The following KAT6A variants were observed in gnomAD, a reference collection of about 807,000 sequenced individuals.
KAT6A encodes histone acetyltransferase KAT6A.
Under a neutral mutation model 198.4 loss-of-function variants are expected in KAT6A, and 9 were observed. That is an observed-to-expected ratio of 0.05 (90% CI 0.03 to 0.08). KAT6A has a LOEUF of 0.08. KAT6A is among the 10% of genes least tolerant of loss of function. The probability of loss-of-function intolerance (pLI) is 1.00; values close to 1 mark genes in which losing one functional copy is unlikely to be tolerated. For missense variants in KAT6A, 2,077 were observed against 2,509.9 expected (o/e 0.83, Z 3.69); for synonymous variants, 890 against 883.0 (o/e 1.01, Z -0.14).
rs1382204077 is a variant in KAT6A at position 41,977,215 on chromosome 8, G to A, written c.1156C>T (p.Arg386Trp). The A allele has an allele frequency of 7.4e-6, 12 of 1,613,982 alleles. No homozygotes were observed. The highest frequency in any genetic ancestry group is 4.5e-5 in the East Asian group (2 of 44,890). Reference protein sequence around the residue: ...SSSSEEGYLERIDGLDFCRDS... With the variant: ...SSSSEEGYLEWIDGLDFCRDS... ...CTGCAGAAGTCCAAGCCATCTATCC[G>A]CTCTAAATATCCTTCTTCTGATGAT... is the stretch of plus-strand genomic sequence containing the variant. The change falls in exon 7 of 17, where the codon CGG (arginine) becomes TGG (tryptophan). Residue 386 changes from arginine to tryptophan, a missense_variant. Around this residue, in one of 13 missense-constraint regions of KAT6A, gnomAD observed 206 missense variants for 214.9 expected, o/e 0.96. Transcript: ENST00000265713.
intron 9 of KAT6A, among the ~76,000 whole-genome samples, chr8:41,954,247 C>T (rs1236902148): frequency 6.6e-6 from 1 of 152,138 alleles, no homozygotes; most frequent in African/African-American, 2.4e-5. Context: ...TACTGGATGG[C>T]CCTTTTAACA....
chr8:41,948,672 C>T (rs1587729688), intron 10 of KAT6A, among the ~76,000 whole-genome samples: 2 of 152,278 alleles, frequency 1.3e-5, no homozygotes, highest in East Asian at 3.9e-4. Context: ...ACCACACCTA[C>T]CCCAGCTTCT....
At position 41,940,951 on chromosome 8, in the gene KAT6A, T is replaced by C; in HGVS notation, c.2930A>G (p.Asp977Gly). 6.2e-7 allele frequency: 1 copy of C among 1,614,212 alleles called. No individual in the cohort carries two copies. ...ERLPRRYSEG[D>G]RAVLRGFSES... ...ACTGAAGCCCCTGAGGACAGCCCTG[T>C]CACCCTCACTGTAGCGACGGGGCAG... Residue 977 changes from aspartate to glycine, a missense_variant, in exon 15 of 17, where the codon GAC (aspartate) becomes GGC (glycine). Transcript: ENST00000265713.
At chr8:41,946,531 C>CACACACACACACACAA in intron 12 of KAT6A, 60 bp downstream of exon 12, 1 of 716,684 alleles carries the variant, frequency 1.4e-6, no homozygotes, top group African/African-American at 2.1e-5. Context: ...CACACACACA[C>CACACACACACACACAA]ACACACACAC....
At chr8:42,043,244 CA>C (rs1226348371) in intron 2 of KAT6A, among the ~76,000 whole-genome samples, 1 of 152,142 alleles carries the variant, frequency 6.6e-6, no homozygotes, top group African/African-American at 2.4e-5. Context: ...AATTACCTTA[CA>C]GTAATATCTA....
At chr8:41,952,204 G>A (rs1822701275) in intron 9 of KAT6A, among the ~76,000 whole-genome samples, 1 of 152,178 alleles carries the variant, frequency 6.6e-6, no homozygotes, top group Admixed American at 6.5e-5. Flanking sequence ...CAGTAACTGG[G>A]ATGACGAGAA....
intron 8 of KAT6A, among the ~76,000 whole-genome samples, chr8:41,966,494 G>A (rs553993035): frequency 6.6e-6 from 1 of 152,032 alleles, no homozygotes; most frequent in Non-Finnish European, 1.5e-5. Flanking sequence ...GTGGATACGC[G>A]GGGACTCCTG....
intron 2 of KAT6A, among the ~76,000 whole-genome samples, chr8:42,021,608 T>G (rs1401611114): frequency 6.6e-6 from 1 of 152,162 alleles, no homozygotes; most frequent in African/African-American, 2.4e-5. Flanking sequence ...AGTCCTAAAC[T>G]AATGAGAATT....
chr8:42,009,820 A>G (rs1419466163), intron 2 of KAT6A, among the ~76,000 whole-genome samples: 1 of 147,492 alleles, frequency 6.8e-6, no homozygotes, highest in Non-Finnish European at 1.5e-5. Context: ...GGATTACTTG[A>G]GCCCAGAAAA....
At chr8:42,046,949 C>G (rs1277300600) in intron 2 of KAT6A, among the ~76,000 whole-genome samples, 3 of 152,028 alleles carry the variant, frequency 2.0e-5, no homozygotes, top group Admixed American at 6.5e-5. Flanking sequence ...TGAAATAGAT[C>G]TCTAAAAATT....
intron 2 of KAT6A, among the ~76,000 whole-genome samples, chr8:42,032,901 T>A (rs1263110694): frequency 1.5e-5 from 2 of 136,090 alleles, no homozygotes; most frequent in Non-Finnish European, 3.1e-5. Flanking sequence ...TTTTTTGAGA[T>A]GGAGTCTTGC....
At chr8:42,001,062 G>A (rs916663015) in intron 2 of KAT6A, among the ~76,000 whole-genome samples, 3 of 152,074 alleles carry the variant, frequency 2.0e-5, no homozygotes, top group African/African-American at 4.8e-5. Flanking sequence ...GAAAATGCTC[G>A]GTTTCTATTA....
At chr8:42,014,896 T>C (rs1458966065) in intron 2 of KAT6A, among the ~76,000 whole-genome samples, 2 of 152,122 alleles carry the variant, frequency 1.3e-5, no homozygotes, top group African/African-American at 2.4e-5. Flanking sequence ...CTTCGGTACA[T>C]GCAGTTATTA....
At chr8:41,936,261 A>AAAAAAAT (rs531050963) in intron 16 of KAT6A, among the ~76,000 whole-genome samples, 4 of 152,216 alleles carry the variant, frequency 2.6e-5, no homozygotes, top group South Asian at 4.1e-4. Context: ...ACTCCATCTC[A>AAAAAAAT]AAAAAATAAA....
At chr8:42,004,706 A>C (rs1825653733) in intron 2 of KAT6A, among the ~76,000 whole-genome samples, 1 of 152,094 alleles carries the variant, frequency 6.6e-6, no homozygotes, top group South Asian at 2.1e-4. Context: ...CGAACAGATC[A>C]CCTGAGGTCA....
At chr8:42,018,162 T>C (rs1337947892) in intron 2 of KAT6A, among the ~76,000 whole-genome samples, 1 of 152,196 alleles carries the variant, frequency 6.6e-6, no homozygotes, top group African/African-American at 2.4e-5. Flanking sequence ...CTAAGCTCTG[T>C]AAAGAAATTC....
intron 2 of KAT6A, among the ~76,000 whole-genome samples, chr8:42,014,040 T>C (rs911099719): frequency 4.6e-5 from 7 of 152,208 alleles, no homozygotes; most frequent in African/African-American, 1.7e-4. Flanking sequence ...ACTTTACTTA[T>C]GGACACTGAA....
chr8:41,966,143 C>T (rs576883821), intron 8 of KAT6A, among the ~76,000 whole-genome samples: 26 of 152,146 alleles, frequency 1.7e-4, no homozygotes, highest in South Asian at 4.2e-4. Flanking sequence ...AGCACTATGC[C>T]ATTCATGCAG....
intron 2 of KAT6A, among the ~76,000 whole-genome samples, chr8:42,002,152 T>C (rs549815251): frequency 2.4e-4 from 36 of 152,266 alleles, no homozygotes; most frequent in Non-Finnish European, 4.1e-4. Context: ...GGGAAGGTAA[T>C]ATCATCACCA....
Sources: gnomAD v4.1 joint callset for allele counts (sites outside exome capture counted in the v4.1 genomes callset) on GRCh38, gnomAD v4.1.1 for gene constraint, gnomAD v4.1.1 regional missense constraint, MANE v1.5 for transcripts, NCBI Gene and HGNC (gene_info 2026-07-23, HGNC 2026-07-21) for gene names.